KATNAL2: variants seen among roughly 807,000 people sequenced by gnomAD.
KATNAL2 encodes the protein katanin p60 ATPase-containing subunit A-like 2.
A neutral mutation model predicts 76.3 loss-of-function variants in KATNAL2; 52 were observed. The ratio of observed to expected loss-of-function variants is 0.68; its 90% CI spans 0.55 to 0.86. The LOEUF (loss-of-function observed/expected upper bound fraction) is 0.86. Among genes scored for constraint, KATNAL2 ranks in the 40% least tolerant of loss-of-function variants. The pLI is 0.00. For missense variants in KATNAL2, 660 were observed against 668.9 expected, an observed-to-expected ratio of 0.99 and a Z score of 0.15; for synonymous variants, 243 against 244.2, an observed-to-expected ratio of 1.00 and a Z score of 0.05.
intron 15 of KATNAL2, among the ~76,000 whole-genome samples, chr18:47,093,543 TTTAA>T (rs1481861474): frequency 3.3e-5 from 5 of 152,052 alleles, no homozygotes; most frequent in South Asian, 2.1e-4. Context: ...TTTTTTTTTC[TTTAA>T]TTGAGACAGG....
chr18:47,035,921 T>G (rs1267671008), intron 3 of KATNAL2, among the ~76,000 whole-genome samples: 1 of 152,156 alleles, frequency 6.6e-6, no homozygotes, highest in African/African-American at 2.4e-5. Flanking sequence ...ACTGATGTTG[T>G]GTGAGGGGAC....
intron 6 of KATNAL2, among the ~76,000 whole-genome samples, chr18:47,055,186 G>A (rs2061437720): frequency 6.6e-6 from 1 of 152,178 alleles, no homozygotes; most frequent in Non-Finnish European, 1.5e-5. Context: ...GAAATACCCA[G>A]GGGAACAAGG....
At chr18:47,075,687 C>T (rs1202577645) in intron 14 of KATNAL2, among the ~76,000 whole-genome samples, 1 of 152,154 alleles carries the variant, frequency 6.6e-6, no homozygotes, top group East Asian at 1.9e-4. Flanking sequence ...TGAAAATAGC[C>T]GCTGTGATGG....
chr18:46,927,028 C>G (rs1292195350), intron 1 of KATNAL2, among the ~76,000 whole-genome samples: 1 of 152,126 alleles, frequency 6.6e-6, no homozygotes, highest in Non-Finnish European at 1.5e-5. Context: ...TGGGTCTTGA[C>G]TTTTTATCCA....
At chr18:47,036,846 C>G (rs1055938975) in intron 3 of KATNAL2, among the ~76,000 whole-genome samples, 1 of 152,206 alleles carries the variant, frequency 6.6e-6, no homozygotes, top group South Asian at 2.1e-4. Context: ...TTTTCTGGAT[C>G]TGTAGACACT....
At chr18:47,072,418 A>G (rs962317279) in intron 13 of KATNAL2, among the ~76,000 whole-genome samples, 2 of 152,122 alleles carry the variant, frequency 1.3e-5, no homozygotes, top group African/African-American at 2.4e-5. Context: ...TAGCATCAAC[A>G]ACTGTTTCTT....
intron 1 of KATNAL2, among the ~76,000 whole-genome samples, chr18:46,922,960 C>T (rs1038994104): frequency 1.4e-5 from 2 of 146,068 alleles, no homozygotes; most frequent in Non-Finnish European, 3.0e-5. Flanking sequence ...TAGTTAAATC[C>T]TTAGATCTGA....
At chr18:47,034,646 G>GC in intron 3 of KATNAL2, 1 of 1,613,942 alleles carries the variant, frequency 6.2e-7, no homozygotes, top group South Asian at 1.1e-5. Context: ...CCTGGACACA[G>GC]CAGAGGCCCG....
At chr18:47,050,435 A>AAGAG (rs2061307089) in intron 4 of KATNAL2, among the ~76,000 whole-genome samples, 2 of 152,214 alleles carry the variant, frequency 1.3e-5, no homozygotes, top group South Asian at 4.1e-4. Context: ...CTGATTTTTT[A>AAGAG]TTACAATGTA....
chr18:47,059,479 T>G, intron 7 of KATNAL2, 77 bp from the exon 8 acceptor site: 1 of 974,848 alleles, frequency 1.0e-6, no homozygotes, highest in Non-Finnish European at 1.7e-6. Context: ...GGACTTTGCT[T>G]GATGGAGTAG....
chr18:47,087,752 C>CTGTGTGTG lies in KATNAL2; in HGVS notation c.1211+10315_1211+10322dup, dbSNP rs35852657. 2.5e-3 allele frequency among the ~76,000 whole-genome samples: 365 copies of CTGTGTGTG among 148,526 alleles called. 2 individuals carry two copies. The highest frequency in any genetic ancestry group is 3.3e-3 in the Non-Finnish European group (223 of 67,008). On this transcript the variant is annotated intron_variant, in intron 15 of 17. Transcript: ENST00000683218. ...TAAGTCTCTCCAAACTCTTTTACAT[C>CTGTGTGTG]TGTGTGTGTGTGTGTGTGTGTGTGT...
At chr18:46,946,945 C>G in intron 3 of KATNAL2, 22 bp downstream of exon 3, 1 of 1,420,510 alleles carries the variant, frequency 7.0e-7, no homozygotes, top group Non-Finnish European at 9.6e-7. Context: ...ATATATAAAA[C>G]ATGATTATAC....
At chr18:47,071,685 A>G (rs2062007638) in intron 13 of KATNAL2, among the ~76,000 whole-genome samples, 1 of 152,158 alleles carries the variant, frequency 6.6e-6, no homozygotes, top group African/African-American at 2.4e-5. Flanking sequence ...TTACCTAGAC[A>G]GAAGAGGAAA....
In KATNAL2 at chr18:47,032,647, T is replaced by C. The variant is rs1393333710; in HGVS notation, c.52-13810T>C. 21 of 344,682 alleles carry C rather than the reference T, an allele frequency of 6.1e-5. 1 individual carries two copies. In the South Asian group the frequency reaches 7.0e-4, roughly 11 times the overall value. The allele number at this position is 344,682 out of a possible 1,614,324, so 21.4% of individuals were successfully genotyped here. A position where few individuals can be genotyped will look rare whatever the true frequency, so the allele number is the denominator to read the frequency against. On this transcript the variant is annotated intron_variant, in intron 3 of 17. Coordinates refer to ENST00000683218, the MANE Select transcript of KATNAL2 (RefSeq NM_001387690.1). ...TTGTGTGTTTTTGTCTAAGAAGTTC[T>C]TATCTACTTGATTTCGAAAAAAAAA...
intron 15 of KATNAL2, among the ~76,000 whole-genome samples, chr18:47,081,260 G>A (rs959901988): frequency 3.9e-5 from 6 of 152,050 alleles, no homozygotes; most frequent in African/African-American, 1.4e-4. Context: ...TTATTCAACA[G>A]CGGCACTGTC....
chr18:47,068,233 A>G (rs530748952), intron 11 of KATNAL2, among the ~76,000 whole-genome samples: 4 of 152,342 alleles, frequency 2.6e-5, no homozygotes, highest in African/African-American at 9.6e-5. Flanking sequence ...ATTTTCTGTA[A>G]TCTCCTGCTG....
At chr18:47,034,056 G>C in intron 3 of KATNAL2, 1 of 1,614,200 alleles carries the variant, frequency 6.2e-7, no homozygotes, top group Non-Finnish European at 8.5e-7. Context: ...GTGCAGTGGT[G>C]GCAGATTTTC....
At chr18:46,958,712 T>C (rs923558934) in intron 3 of KATNAL2, among the ~76,000 whole-genome samples, 4 of 152,244 alleles carry the variant, frequency 2.6e-5, no homozygotes, top group African/African-American at 9.6e-5. Flanking sequence ...TTAACCTGAA[T>C]GTAAGAATCC....
chr18:47,080,656 T>C (rs896710612), intron 15 of KATNAL2, among the ~76,000 whole-genome samples: 1 of 152,226 alleles, frequency 6.6e-6, no homozygotes, highest in African/African-American at 2.4e-5. Context: ...AAATTCACAC[T>C]TCACAAGCAA....
Sources: allele counts gnomAD v4.1 joint callset (sites outside exome capture counted in the v4.1 genomes callset), GRCh38; gene constraint gnomAD v4.1.1; transcripts MANE v1.5; gene names NCBI Gene and HGNC (gene_info 2026-07-23, HGNC 2026-07-21).